The following STXBP5L variants were observed in gnomAD, a reference collection of about 807,000 sequenced individuals.
STXBP5L encodes the protein syntaxin binding protein 5L.
Under a neutral mutation model 144.5 loss-of-function variants are expected in STXBP5L, and 65 were observed. The ratio of observed to expected loss-of-function variants is 0.45; its 90% CI spans 0.37 to 0.55. The LOEUF (loss-of-function observed/expected upper bound fraction) is 0.55. STXBP5L is among the 20% of genes least tolerant of loss of function. The probability of loss-of-function intolerance (pLI) is 0.00; values close to 1 mark genes in which losing one functional copy is unlikely to be tolerated. For synonymous variants in STXBP5L, 505 were observed against 469.6 expected, an observed-to-expected ratio of 1.08 and a Z score of -0.97; for missense variants, 1,298 against 1,405.5, an observed-to-expected ratio of 0.92 and a Z score of 1.22.
chr3:120,963,390 C>G (rs1239626496), intron 3 of STXBP5L, among the ~76,000 whole-genome samples: 1 of 152,136 alleles, frequency 6.6e-6, no homozygotes. Context: ...TTTGCCCATT[C>G]AGTATGATAT....
chr3:121,353,894 TTGGTTTC>T (rs1560011930), intron 20 of STXBP5L, among the ~76,000 whole-genome samples: 5 of 152,360 alleles, frequency 3.3e-5, no homozygotes, highest in African/African-American at 1.2e-4. Context: ...TTTGTTCTCA[TTGGTTTC>T]AAAGAACATC....
At chr3:121,336,535 CA>C (rs928166259) in intron 20 of STXBP5L, among the ~76,000 whole-genome samples, 18 of 151,090 alleles carry the variant, frequency 1.2e-4, no homozygotes, top group African/African-American at 4.4e-4. Flanking sequence ...AACAAACAAA[CA>C]AAAAAATCCA....
intron 3 of STXBP5L, among the ~76,000 whole-genome samples, chr3:121,022,269 G>C (rs1169041985): frequency 6.6e-6 from 1 of 151,992 alleles, no homozygotes; most frequent in Non-Finnish European, 1.5e-5. Flanking sequence ...CAGCAAGATT[G>C]AAATTGTAAT....
chr3:121,093,767 T>C (rs1016164135), intron 5 of STXBP5L, among the ~76,000 whole-genome samples: 2 of 152,184 alleles, frequency 1.3e-5, no homozygotes, highest in Non-Finnish European at 2.9e-5. Flanking sequence ...GTGTCTCTAT[T>C]TCCTTAAGTT....
chr3:121,027,043 G>T (rs1440845011), intron 3 of STXBP5L, among the ~76,000 whole-genome samples: 1 of 151,490 alleles, frequency 6.6e-6, no homozygotes, highest in Non-Finnish European at 1.5e-5. Flanking sequence ...TATTGGTGTG[G>T]CATATTCTGA....
chr3:120,983,589 G>T (rs917416564), intron 3 of STXBP5L, among the ~76,000 whole-genome samples: 1 of 152,144 alleles, frequency 6.6e-6, no homozygotes, highest in Non-Finnish European at 1.5e-5. Context: ...GTTCGAAAAT[G>T]CCTTTGTGTA....
chr3:120,954,910 G>T, intron 2 of STXBP5L, 30 bp from the exon 3 acceptor site: 1 of 1,570,596 alleles, frequency 6.4e-7, no homozygotes, highest in Non-Finnish European at 8.7e-7. Flanking sequence ...TTTCCCTAGA[G>T]ACTTATTGGT....
At chr3:121,194,334 C>G (rs145999229) in intron 9 of STXBP5L, among the ~76,000 whole-genome samples, 1 of 152,190 alleles carries the variant, frequency 6.6e-6, no homozygotes, top group African/African-American at 2.4e-5. Context: ...AATTCTTTCA[C>G]GATTCATTCA....
At chr3:120,980,239 G>T (rs759570110) in intron 3 of STXBP5L, among the ~76,000 whole-genome samples, 1 of 152,114 alleles carries the variant, frequency 6.6e-6, no homozygotes, top group Non-Finnish European at 1.5e-5. Flanking sequence ...GTTCTATTTA[G>T]TCTAGAGACC....
intron 5 of STXBP5L, among the ~76,000 whole-genome samples, chr3:121,074,008 G>C (rs963503919): frequency 6.6e-6 from 1 of 152,212 alleles, no homozygotes; most frequent in Admixed American, 6.5e-5. Flanking sequence ...TGCCTTGAAA[G>C]CACTCTTCTT....
chr3:121,220,563 A>G (rs548077846), intron 10 of STXBP5L, among the ~76,000 whole-genome samples: 26 of 152,242 alleles, frequency 1.7e-4, no homozygotes, highest in Non-Finnish European at 3.1e-4. Flanking sequence ...ATTCTATAAA[A>G]GTAAATTGGA....
chr3:121,225,230 C>T (rs1163575190), intron 11 of STXBP5L, among the ~76,000 whole-genome samples: 2 of 151,984 alleles, frequency 1.3e-5, no homozygotes, highest in African/African-American at 4.8e-5. Context: ...GATTATTCTC[C>T]ATGTAAATCA....
chr3:120,915,136 C>T (rs16831976), intron 2 of STXBP5L, among the ~76,000 whole-genome samples: 15,114 of 152,098 alleles, frequency 0.099, 1,187 homozygotes, highest in Admixed American at 0.2. Context: ...TAAAAACAAA[C>T]AGTGCCGTCA....
chr3:121,301,631 A>G (rs2051911862), intron 19 of STXBP5L, among the ~76,000 whole-genome samples: 1 of 152,284 alleles, frequency 6.6e-6, no homozygotes, highest in Admixed American at 6.5e-5. Context: ...GCCGGTTTTC[A>G]CAGGGAATGC....
chr3:121,001,682 G>C (rs563673576), intron 3 of STXBP5L, among the ~76,000 whole-genome samples: 1 of 152,166 alleles, frequency 6.6e-6, no homozygotes, highest in Admixed American at 6.5e-5. Flanking sequence ...CAGGAGCTTC[G>C]TGGGGCCAGG....
intron 3 of STXBP5L, among the ~76,000 whole-genome samples, chr3:121,028,671 C>A (rs544564046): frequency 1.3e-5 from 2 of 152,070 alleles, no homozygotes; most frequent in Admixed American, 1.3e-4. Context: ...TTGGAACCAT[C>A]ATTTTTTTCT....
rs551560732 is a variant in STXBP5L at position 121,017,759 on chromosome 3, G to A, written c.288-23941G>A. On this transcript the variant is annotated intron_variant, in intron 3 of 26. Coordinates refer to ENST00000471454, the MANE Select transcript of STXBP5L (RefSeq NM_001308330.2). ...ATATAACGAAAATCAGAAGACTGAT[G>A]AAAGAAATCATAGAAGATCTAAATA... Among the ~76,000 whole-genome samples the A allele has an allele frequency of 1.2e-3, 178 of 151,716 alleles. 1 individual carries two copies. Among genetic ancestry groups the A allele is most frequent in the Non-Finnish European group, 2.2e-3 (152 of 68,016 alleles).
chr3:121,005,153 A>G (rs1422303357), intron 3 of STXBP5L, among the ~76,000 whole-genome samples: 1 of 152,188 alleles, frequency 6.6e-6, no homozygotes, highest in Non-Finnish European at 1.5e-5. Context: ...TAACTCTGGT[A>G]GAATTTGGCT....
intron 19 of STXBP5L, among the ~76,000 whole-genome samples, chr3:121,288,847 G>A (rs141186955): frequency 6.6e-4 from 101 of 152,188 alleles, no homozygotes; most frequent in African/African-American, 2.3e-3. Flanking sequence ...AGTTTGATTA[G>A]GTCCTATTTG....
Sources: allele counts gnomAD v4.1 joint callset (sites outside exome capture counted in the v4.1 genomes callset), GRCh38; gene constraint gnomAD v4.1.1; transcripts MANE v1.5; gene names NCBI Gene and HGNC (gene_info 2026-07-23, HGNC 2026-07-21).